SH3GLB1: variants seen among roughly 807,000 people sequenced by gnomAD.
SH3GLB1 encodes SH3 domain containing GRB2 like, endophilin B1.
In SH3GLB1, 17 loss-of-function variants were observed where a neutral mutation model predicts 42.0. The observed-to-expected ratio is 0.40, with a 90% CI of 0.28 to 0.61. The LOEUF is 0.61. SH3GLB1 is among the 20% of genes least tolerant of loss of function. The pLI, the probability that SH3GLB1 is intolerant of heterozygous loss-of-function variation, is 0.36. For synonymous variants in SH3GLB1, 132 were observed against 146.6 expected, an observed-to-expected ratio of 0.90 and a Z score of 0.72; for missense variants, 355 against 426.3, an observed-to-expected ratio of 0.83 and a Z score of 1.47.
chr1:86,737,121 T>C (rs1351235267), intron 7 of SH3GLB1, among the ~76,000 whole-genome samples: 1 of 152,192 alleles, frequency 6.6e-6, no homozygotes, highest in East Asian at 1.9e-4. Context: ...ACTATTATTA[T>C]CCATATTTTA....
rs1348691053 is a variant in SH3GLB1, at chr1:86,735,087, C to A, written c.669C>A (p.His223Gln). 6.2e-7 allele frequency: 1 copy of A among 1,612,554 alleles called. No homozygotes were observed. The highest frequency in any genetic ancestry group is 1.1e-5 in the South Asian group (1 of 91,052). The change falls in exon 7 of 9, where the codon CAC becomes CAA. Residue 223 changes from histidine (H) to glutamine (Q), a missense_variant. Coordinates refer to ENST00000370558, the MANE Select transcript of SH3GLB1 (RefSeq NM_016009.5). The part of the protein sequence containing the change: ...LEGISSTHAH[H>Q]LRCLNDFVEA... ...ATAATTTTCCTTCACAGGCCCATCA[C>A]CTTCGCTGTCTGAATGACTTTGTAG...
intron 1 of SH3GLB1, among the ~76,000 whole-genome samples, chr1:86,711,848 G>A (rs1654230053): frequency 1.3e-5 from 2 of 152,034 alleles, no homozygotes; most frequent in South Asian, 4.1e-4. Flanking sequence ...TAAAATCCTT[G>A]AGGGCAAGAA....
chr1:86,722,378 T>A (rs1231550892), intron 3 of SH3GLB1, among the ~76,000 whole-genome samples, 162 bp from the exon 4 acceptor site: 1 of 152,224 alleles, frequency 6.6e-6, no homozygotes, highest in Non-Finnish European at 1.5e-5. Context: ...AATTTACTTT[T>A]AAAATAAAAC....
chr1:86,737,533 T>C (rs756998966), intron 7 of SH3GLB1, among the ~76,000 whole-genome samples: 1 of 152,300 alleles, frequency 6.6e-6, no homozygotes, highest in East Asian at 1.9e-4. Flanking sequence ...CTAGGACAGG[T>C]GGTCTTAATT....
chr1:86,723,509 A>C (rs1174366464), intron 4 of SH3GLB1, among the ~76,000 whole-genome samples: 1 of 152,256 alleles, frequency 6.6e-6, no homozygotes. Context: ...GTGAGACTCC[A>C]TCTCAAAAAA....
intron 1 of SH3GLB1, among the ~76,000 whole-genome samples, chr1:86,710,085 T>G (rs1297856883): frequency 6.6e-6 from 1 of 152,244 alleles, no homozygotes; most frequent in Non-Finnish European, 1.5e-5. Context: ...ATAAAAACTC[T>G]ACATGTTTAG....
intron 8 of SH3GLB1, among the ~76,000 whole-genome samples, chr1:86,742,926 A>G (rs1236882365): frequency 1.3e-5 from 2 of 152,246 alleles, no homozygotes; most frequent in South Asian, 2.1e-4. Context: ...ATGCTGCTGC[A>G]CTACAGCCTG....
chr1:86,733,422 G>C (rs1268340205), intron 5 of SH3GLB1, among the ~76,000 whole-genome samples: 1 of 152,022 alleles, frequency 6.6e-6, no homozygotes, highest in Non-Finnish European at 1.5e-5. Flanking sequence ...ATACCTTGTT[G>C]GGTTTTTTTT....
At chr1:86,732,995 C>T (rs1396401330) in intron 5 of SH3GLB1, among the ~76,000 whole-genome samples, 1 of 151,972 alleles carries the variant, frequency 6.6e-6, no homozygotes, top group East Asian at 1.9e-4. Context: ...TTACTCAAAG[C>T]CTTTTGTATT....
In SH3GLB1 at chr1:86,746,848, A is replaced by G. The variant is rs1656331785; in HGVS notation, c.*3613A>G. On this transcript the variant is annotated 3_prime_UTR_variant, in exon 9 of 9. Coordinates refer to ENST00000370558, the MANE Select transcript of SH3GLB1 (RefSeq NM_016009.5). ...GCACCACTGCACTCCAACCTGGGTGATAGAATAAGACTCTTGTCTCAAGGA... is the reference window on the plus strand; with the variant it reads ...GCACCACTGCACTCCAACCTGGGTGGTAGAATAAGACTCTTGTCTCAAGGA... 6.6e-6 allele frequency: 1 copy of G among 152,232 alleles called. No individual in the cohort carries two copies. The highest frequency in any genetic ancestry group is 2.1e-4 in the South Asian group (1 of 4,828). 9.4% of individuals were successfully genotyped at this position (152,232 alleles called of 1,614,324 possible).
At chr1:86,731,859 C>T (rs1319528390) in intron 5 of SH3GLB1, among the ~76,000 whole-genome samples, 1 of 152,110 alleles carries the variant, frequency 6.6e-6, no homozygotes. Context: ...GTGGGCAGAT[C>T]ACCTGAGGTC....
intron 8 of SH3GLB1, 136 bp downstream of exon 8, chr1:86,742,572 TTTAA>T (rs1391381991): frequency 7.4e-6 from 4 of 543,472 alleles, no homozygotes; most frequent in Admixed American, 7.1e-5. Context: ...AACATAAAAT[TTTAA>T]TTAATATTCT....
At chr1:86,718,360 A>C (rs1157931584) in intron 2 of SH3GLB1, among the ~76,000 whole-genome samples, 3 of 152,140 alleles carry the variant, frequency 2.0e-5, no homozygotes. Flanking sequence ...TGAAGTTCTG[A>C]AATTTAACTA....
At chr1:86,713,178 G>C (rs1205775801) in intron 1 of SH3GLB1, among the ~76,000 whole-genome samples, 1 of 152,010 alleles carries the variant, frequency 6.6e-6, no homozygotes, top group Non-Finnish European at 1.5e-5. Flanking sequence ...GGGTCTTGCT[G>C]TGTCACCCAG....
At chr1:86,718,423 A>T (rs1654679303) in intron 2 of SH3GLB1, among the ~76,000 whole-genome samples, 1 of 152,224 alleles carries the variant, frequency 6.6e-6, no homozygotes, top group South Asian at 2.1e-4. Context: ...TTAACTATTT[A>T]AAGGTATTTA....
chr1:86,714,053 A>G (rs549591043), intron 1 of SH3GLB1, among the ~76,000 whole-genome samples: 9 of 152,328 alleles, frequency 5.9e-5, no homozygotes, highest in African/African-American at 2.2e-4. Flanking sequence ...TTAAAGGGAA[A>G]TTTATGCATG....
At position 86,740,706 on chromosome 1, in the gene SH3GLB1, A is replaced by G. The variant is rs577148385; in HGVS notation, c.762-1502A>G. Among the ~76,000 whole-genome samples the G allele has an allele frequency of 2.8e-4, 43 of 152,296 alleles. 1 individual carries two copies. In the South Asian group the frequency reaches 8.7e-3, roughly 31 times the overall value. ...TGTGACTGTGGGAATAGGTGGCTGA[A>G]CTAGGATCAGGTATGAAGTCACTAG... On this transcript the variant is annotated intron_variant, in intron 7 of 8. Coordinates refer to ENST00000370558, the MANE Select transcript of SH3GLB1 (RefSeq NM_016009.5).
At chr1:86,721,263 G>A (rs1264812561) in intron 3 of SH3GLB1, among the ~76,000 whole-genome samples, 4 of 152,010 alleles carry the variant, frequency 2.6e-5, no homozygotes, top group Admixed American at 2.6e-4. Flanking sequence ...GCATTATATA[G>A]TATATATATT....
intron 5 of SH3GLB1, 193 bp from the exon 6 acceptor site, chr1:86,734,409 G>T (rs897708229): frequency 9.0e-5 from 47 of 519,416 alleles, no homozygotes; most frequent in Non-Finnish European, 1.5e-4. Context: ...GGAATCAGTT[G>T]TCCAGGTGGA....
Sources: gnomAD v4.1 joint callset for allele counts (sites outside exome capture counted in the v4.1 genomes callset) on GRCh38, gnomAD v4.1.1 for gene constraint, MANE v1.5 for transcripts, NCBI Gene and HGNC (gene_info 2026-07-23, HGNC 2026-07-21) for gene names.